The following DIS3 variants were observed in gnomAD, a reference collection of about 807,000 sequenced individuals.
DIS3 encodes the protein DIS3 exosome endoribonuclease and 3'-5' exoribonuclease.
In DIS3, 103 loss-of-function variants were observed where a neutral mutation model predicts 113.0. That is an observed-to-expected ratio of 0.91 (90% CI 0.78 to 1.07). The LOEUF (loss-of-function observed/expected upper bound fraction) is 1.07. Ranked by LOEUF, DIS3 falls within the 50% of genes least tolerant of loss-of-function variation. DIS3 has a pLI of 0.00. For missense variants in DIS3, 1,121 were observed against 1,167.1 expected (o/e 0.96, Z 0.58); for synonymous variants, 402 against 394.3 (o/e 1.02, Z -0.23).
chr13:72,753,635 A>G lies in DIS3; in HGVS notation c.*6160T>C, dbSNP rs2033343367. ...GAGTTTATAGTGGTTTACTTATTTA[A>G]ATATTTGACTTTTAAGTTCCTCACA... On this transcript the variant is annotated 3_prime_UTR_variant, in exon 21 of 21. Coordinates refer to ENST00000377767, the MANE Select transcript of DIS3 (RefSeq NM_014953.5). 1 of 1,538,700 alleles carries G rather than the reference A, an allele frequency of 6.5e-7. No individual in the cohort carries two copies. Among genetic ancestry groups the G allele is most frequent in the Admixed American group, 1.8e-5 (1 of 55,210 alleles).
chr13:72,781,039 A>G (rs1416641111), intron 1 of DIS3, 36 bp from the exon 2 acceptor site: 1 of 1,562,416 alleles, frequency 6.4e-7, no homozygotes, highest in African/African-American at 1.4e-5. Flanking sequence ...TCCTATATTC[A>G]TTTGTAAATA....
At position 72,779,421 on chromosome 13, in the gene DIS3, A is replaced by C. The variant is rs182275953; in HGVS notation, c.387-1041T>G. 2.2e-4 allele frequency among the ~76,000 whole-genome samples: 33 copies of C among 152,284 alleles called. No homozygotes were observed. In the East Asian group the frequency reaches 5.8e-3, roughly 27 times the overall value. On this transcript the variant is annotated intron_variant, in intron 2 of 20. Coordinates refer to ENST00000377767, the MANE Select transcript of DIS3 (RefSeq NM_014953.5). ...ACATAAGCCACCACGCCCAGCTGCT[A>C]ATGTTTTAAGCTCATCAGTGAAAGA...
chr13:72,762,320 T>C lies in DIS3; in HGVS notation c.2128-183A>G, dbSNP rs76915060. Among the ~76,000 whole-genome samples the C allele has an allele frequency of 6.7e-3, 1,016 of 152,284 alleles. 13 individuals are homozygous for C. The highest frequency in any genetic ancestry group is 0.023 in the African/African-American group (944 of 41,556). On this transcript the variant is annotated intron_variant, in intron 16 of 20. Transcript: ENST00000377767. ...GGTCACTACAGTTCTGTCAGAACAA[T>C]GTTCGGATTCATCAAATTTAGCTGC... is the stretch of plus-strand genomic sequence containing the variant.
At chr13:72,764,616 C>T (rs765277857) in intron 15 of DIS3, among the ~76,000 whole-genome samples, 1 of 152,202 alleles carries the variant, frequency 6.6e-6, no homozygotes, top group Non-Finnish European at 1.5e-5. Context: ...TATTCACATA[C>T]ATTTTTCGGT....
At chr13:72,769,223 A>G (rs1566244477) in intron 13 of DIS3, among the ~76,000 whole-genome samples, 1 of 152,256 alleles carries the variant, frequency 6.6e-6, no homozygotes, top group Non-Finnish European at 1.5e-5. Context: ...ATGCTAAAAT[A>G]AAACACAAAG....
chr13:72,771,445 A>T (rs2033883933), intron 11 of DIS3, among the ~76,000 whole-genome samples: 1 of 152,174 alleles, frequency 6.6e-6, no homozygotes, highest in East Asian at 1.9e-4. Flanking sequence ...TGGTCTGTAT[A>T]AGTTTATACT....
rs1357554013 is a variant in DIS3 at position 72,752,371 on chromosome 13, A to T, written c.*7424T>A. ...CATATTAGGCATTGACATTAGCAGAAGTCTAGATGAGAGACAGTGAAGTCA... is the reference window on the plus strand; with the variant it reads ...CATATTAGGCATTGACATTAGCAGATGTCTAGATGAGAGACAGTGAAGTCA... On this transcript the variant is annotated 3_prime_UTR_variant, in exon 21 of 21. Transcript: ENST00000377767. The T allele has an allele frequency of 5.3e-5, 8 of 152,120 alleles. No homozygotes were observed. The highest frequency in any genetic ancestry group is 1.0e-4 in the Non-Finnish European group (7 of 68,016). 9.4% of individuals were successfully genotyped at this position (152,120 alleles called of 1,614,324 possible).
At chr13:72,759,910 GA>G (rs748710527) in intron 20 of DIS3, 32 bp from the exon 21 acceptor site, 7 of 1,534,382 alleles carry the variant, frequency 4.6e-6, no homozygotes, top group Non-Finnish European at 6.3e-6. Flanking sequence ...GAAATAAGGT[GA>G]TTTAAAGGAT....
rs779087641 is a variant in DIS3, at chr13:72,760,607, A to G, written c.2715T>C (p.Asp905=). Residue 905 remains aspartate (D), a synonymous_variant, in exon 20 of 21, where the codon GAT becomes GAC. Coordinates refer to ENST00000377767, the MANE Select transcript of DIS3 (RefSeq NM_014953.5). ...CTAACATGATTTTCACTTTAACTTTATCAAATACATGGAACACTGTATCTT... is the reference window on the plus strand; with the variant it reads ...CTAACATGATTTTCACTTTAACTTTGTCAAATACATGGAACACTGTATCTT... ...KIEDTVFHVF[D]KVKVKIMLDS... 39 of 1,613,172 alleles carry G rather than the reference A, an allele frequency of 2.4e-5. No individual in the cohort carries two copies. Among genetic ancestry groups the G allele is most frequent in the Non-Finnish European group, 2.9e-5 (34 of 1,179,410 alleles).
chr13:72,770,043 G>A (rs2033847893), intron 13 of DIS3, among the ~76,000 whole-genome samples: 4 of 152,136 alleles, frequency 2.6e-5, no homozygotes, highest in Admixed American at 2.6e-4. Context: ...AAAATCCAAT[G>A]GTGACTTAAA....
Position 72,752,511 on chromosome 13 carries a change from C to T in DIS3, c.*7284G>A, listed in dbSNP as rs113502506. The T allele has an allele frequency of 1.3e-5, 2 of 152,194 alleles. No individual in the cohort carries two copies. Among genetic ancestry groups the T allele is most frequent in the Non-Finnish European group, 2.9e-5 (2 of 68,038 alleles). The allele number at this position is 152,194 out of a possible 1,614,324, so 9.4% of individuals were successfully genotyped here. A position where few individuals can be genotyped will look rare whatever the true frequency, so the allele number is the denominator to read the frequency against. On this transcript the variant is annotated 3_prime_UTR_variant, in exon 21 of 21. Transcript: ENST00000377767. ...GAGTAACTCTTCCCTCCATATATATCCAGTTACATATTAGTATTGCATTAT... is the reference window on the plus strand; with the variant it reads ...GAGTAACTCTTCCCTCCATATATATTCAGTTACATATTAGTATTGCATTAT...
chr13:72,779,762 G>A (rs1182047922), intron 2 of DIS3, among the ~76,000 whole-genome samples: 1 of 151,584 alleles, frequency 6.6e-6, no homozygotes, highest in East Asian at 1.9e-4. Flanking sequence ...TGGTGGTGGT[G>A]GTGGTGGTGG....
rs559456574 is a variant in DIS3 at position 72,776,777 on chromosome 13, C to T, written c.654+643G>A. On this transcript the variant is annotated intron_variant, in intron 4 of 20. Coordinates refer to ENST00000377767, the MANE Select transcript of DIS3 (RefSeq NM_014953.5). ...CCCTTAGCACTCCTTCTCACATCAG[C>T]TATTGTAATGACTCCTTTACTCACC... Among the ~76,000 whole-genome samples the T allele has an allele frequency of 3.3e-5, 5 of 152,304 alleles. No homozygotes were observed. The East Asian group carries it at 9.6e-4, about 29-fold the overall frequency.
chr13:72,755,277 AG>A lies in DIS3; in HGVS notation c.*4517del, dbSNP rs1394659936. ...GTTCCTCGCATATATCGTTGTGCACAGGATCAACATGATGGTGACTGGGAAA... is the reference window on the plus strand; with the variant it reads ...GTTCCTCGCATATATCGTTGTGCACAGATCAACATGATGGTGACTGGGAAA... On this transcript the variant is annotated 3_prime_UTR_variant, in exon 21 of 21. Transcript: ENST00000377767. 1 of 1,392,142 alleles carries A rather than the reference AG, an allele frequency of 7.2e-7. No homozygotes were observed. The allele number at this position is 1,392,142 out of a possible 1,614,324, so 86.2% of individuals were successfully genotyped here.
At chr13:72,781,107 A>G (rs1593858088) in intron 1 of DIS3, 104 bp from the exon 2 acceptor site, 1 of 1,368,902 alleles carries the variant, frequency 7.3e-7, no homozygotes, top group East Asian at 2.5e-5. Flanking sequence ...ATGTTTTAAA[A>G]ACACTGAATA....
rs1432471341 is a variant in DIS3, at chr13:72,755,373, A to T, written c.*4422T>A. 7.1e-6 allele frequency: 4 copies of T among 561,576 alleles called. No individual in the cohort carries two copies. Among genetic ancestry groups the T allele is most frequent in the Non-Finnish European group, 3.1e-6 (1 of 322,660 alleles). 34.8% of individuals were successfully genotyped at this position (561,576 alleles called of 1,614,324 possible). ...AAAATCAAGGGCTTACTGACATAGG[A>T]ACAACAGAAATGCTCCTGGAACTTC... On this transcript the variant is annotated 3_prime_UTR_variant, in exon 21 of 21. Coordinates refer to ENST00000377767, the MANE Select transcript of DIS3 (RefSeq NM_014953.5).
rs749938761 is a variant in DIS3, at chr13:72,771,162, TAGAACC to T, written c.1606-23_1606-18del. ...GTCAATCCTCTGCAAAAGATAAAAA[TAGAACC>T]ACAGATTACTTAGCCATAACCATAC... is the stretch of plus-strand genomic sequence containing the variant. On this transcript the variant is annotated intron_variant, in intron 11 of 20. Coordinates refer to ENST00000377767, the MANE Select transcript of DIS3 (RefSeq NM_014953.5). 2 of 1,605,624 alleles carry T rather than the reference TAGAACC, an allele frequency of 1.2e-6. No individual in the cohort carries two copies. The highest frequency in any genetic ancestry group is 2.2e-5 in the South Asian group (2 of 90,350).
In DIS3 at chr13:72,777,463, T is replaced by C; in HGVS notation, c.611A>G (p.Asn204Ser). ...AGCAAGACGATCTATGAGTTCGGGG[T>C]TAGCAGTTAGGCTCTTTACATATTC... ...CEEYVKSLTANPELIDRLACL... is the reference protein window; with the variant it reads ...CEEYVKSLTASPELIDRLACL... The change falls in exon 4 of 21, where the codon AAC becomes AGC. Residue 204 changes from asparagine (N) to serine (S), a missense_variant. Asn to Ser is a conservative substitution (Grantham distance 46, BLOSUM62 1). Coordinates refer to ENST00000377767, the MANE Select transcript of DIS3 (RefSeq NM_014953.5). 6.2e-7 allele frequency: 1 copy of C among 1,614,134 alleles called. No homozygotes were observed. Among genetic ancestry groups the C allele is most frequent in the East Asian group, 2.2e-5 (1 of 44,874 alleles).
In DIS3 at chr13:72,761,322, G is replaced by C. The variant is rs2138150529; in HGVS notation, c.2670+41C>G. The C allele has an allele frequency of 1.9e-6, 3 of 1,561,500 alleles. No individual in the cohort carries two copies. In the East Asian group the frequency reaches 7.0e-5, roughly 36 times the overall value. On this transcript the variant is annotated intron_variant, in intron 19 of 20. Coordinates refer to ENST00000377767, the MANE Select transcript of DIS3 (RefSeq NM_014953.5). ...CCATTTATGAACTCTCAAAGAAAAA[G>C]TGCCCCCCGGAAAAGAAAACAAACA...
Sources: allele counts gnomAD v4.1 joint callset (sites outside exome capture counted in the v4.1 genomes callset), GRCh38; gene constraint gnomAD v4.1.1; transcripts MANE v1.5; gene names NCBI Gene and HGNC (gene_info 2026-07-23, HGNC 2026-07-21).